Variants in GAB3 observed in about 807,000 individuals in gnomAD.
The protein encoded by GAB3 is GRB2 associated binding protein 3, also known as GRB2-associated-binding protein 3.
Under a neutral mutation model 40.4 loss-of-function variants are expected in GAB3, and 12 were observed. The observed-to-expected ratio is 0.30, with a 90% CI of 0.19 to 0.48. The LOEUF (loss-of-function observed/expected upper bound fraction) is 0.48, where lower values mean the gene tolerates loss of function less well. Ranked by LOEUF, GAB3 falls within the 20% of genes least tolerant of loss-of-function variation. The pLI is 0.99. For synonymous variants in GAB3, 154 were observed against 176.7 expected (o/e 0.87, Z 1.02); for missense variants, 381 against 461.9 (o/e 0.82, Z 1.61).
At chrX:154,725,676 C>T (rs1289719908) in intron 1 of GAB3, among the ~76,000 whole-genome samples, 1 of 110,549 alleles carries the variant, frequency 9.0e-6, no homozygotes, top group African/African-American at 3.3e-5. Context: ...TGGCTGAATA[C>T]TAACATTCAT....
At chrX:154,701,569 TGATAGCTATG>T (rs1170223803) in intron 4 of GAB3, among the ~76,000 whole-genome samples, 1 of 111,854 alleles carries the variant, frequency 8.9e-6, no homozygotes, top group African/African-American at 3.3e-5. Flanking sequence ...CCTGGGGTGG[TGATAGCTATG>T]GAGTGAGGCT....
At chrX:154,688,953 A>C (rs1247594352) in intron 8 of GAB3, among the ~76,000 whole-genome samples, 1 of 111,431 alleles carries the variant, frequency 9.0e-6, no homozygotes, top group Non-Finnish European at 1.9e-5. Flanking sequence ...CCGGGCAGAG[A>C]CACAACAAAA....
intron 4 of GAB3, among the ~76,000 whole-genome samples, chrX:154,709,757 C>T (rs917630274): frequency 9.0e-6 from 1 of 111,373 alleles, no homozygotes; most frequent in Admixed American, 9.5e-5. Flanking sequence ...GAATATTACT[C>T]AGCCTTAAAA....
chrX:154,705,675 A>G (rs782144473), intron 4 of GAB3, among the ~76,000 whole-genome samples: 14 of 112,191 alleles, frequency 1.2e-4, no homozygotes, highest in African/African-American at 4.5e-4. Flanking sequence ...TCCAAGAACT[A>G]GAAGAAGAAA....
intron 4 of GAB3, among the ~76,000 whole-genome samples, chrX:154,711,050 T>A (rs5945233): frequency 0.3 from 33,737 of 111,110 alleles, 3,781 homozygotes; most frequent in South Asian, 0.43. Context: ...GGAAGCAACA[T>A]ACATAATGGT....
At chrX:154,707,887 C>T (rs2070836541) in intron 4 of GAB3, among the ~76,000 whole-genome samples, 1 of 111,958 alleles carries the variant, frequency 8.9e-6, no homozygotes, top group African/African-American at 3.2e-5. Context: ...CAGCAAAAAA[C>T]AGTTGACAAT....
intron 4 of GAB3, among the ~76,000 whole-genome samples, chrX:154,707,660 T>C (rs2070833040): frequency 2.7e-5 from 3 of 111,943 alleles, no homozygotes; most frequent in African/African-American, 9.7e-5. Flanking sequence ...AGGATCCGTA[T>C]TGTCACCAGG....
intron 4 of GAB3, among the ~76,000 whole-genome samples, chrX:154,701,067 G>A (rs2070734022): frequency 9.0e-6 from 1 of 111,364 alleles, no homozygotes; most frequent in Non-Finnish European, 1.9e-5. Context: ...CTACTCTGAA[G>A]TCAGACTGTC....
At chrX:154,730,773 C>T (rs2071280069) in intron 1 of GAB3, among the ~76,000 whole-genome samples, 1 of 112,123 alleles carries the variant, frequency 8.9e-6, no homozygotes, top group Admixed American at 9.4e-5. Context: ...TGGCTCAATG[C>T]CACTAGCCCT....
chrX:154,748,384 T>A (rs1397157350), intron 1 of GAB3, among the ~76,000 whole-genome samples: 2 of 111,504 alleles, frequency 1.8e-5, no homozygotes, highest in Non-Finnish European at 3.8e-5. Flanking sequence ...GGGAGTGGAA[T>A]AAGGAGGAGA....
chrX:154,728,118 C>T (rs782312860), intron 1 of GAB3, among the ~76,000 whole-genome samples: 36 of 111,648 alleles, frequency 3.2e-4, no homozygotes, highest in Admixed American at 3.0e-3. Flanking sequence ...CCTCTGCCCC[C>T]TCTGCGGTGG....
chrX:154,741,521 C>A (rs1468414413), intron 1 of GAB3, among the ~76,000 whole-genome samples: 1 of 109,072 alleles, frequency 9.2e-6, no homozygotes, highest in Non-Finnish European at 1.9e-5. Flanking sequence ...GCTAAAAATA[C>A]AGAAATGAGC....
chrX:154,690,050 T>A, intron 8 of GAB3, among the ~76,000 whole-genome samples: 1 of 110,660 alleles, frequency 9.0e-6, no homozygotes, highest in Admixed American at 9.6e-5. Flanking sequence ...AACAGCATGG[T>A]ACTGGTACCA....
intron 1 of GAB3, among the ~76,000 whole-genome samples, chrX:154,719,545 C>A (rs1557258294): frequency 8.9e-6 from 1 of 111,900 alleles, no homozygotes. Context: ...TTCAGCAGGG[C>A]TGGAAGGCAG....
chrX:154,712,895 C>T (rs1181305685), intron 3 of GAB3, among the ~76,000 whole-genome samples, 194 bp from the exon 4 acceptor site: 1 of 112,159 alleles, frequency 8.9e-6, no homozygotes, highest in Non-Finnish European at 1.9e-5. Context: ...TTTTCATCCT[C>T]TAAGCATCAG....
At chrX:154,740,430 G>C (rs188812991) in intron 1 of GAB3, among the ~76,000 whole-genome samples, 1 of 112,221 alleles carries the variant, frequency 8.9e-6, no homozygotes, top group Non-Finnish European at 1.9e-5. Flanking sequence ...TCTCAGAAAA[G>C]AAATATAAGG....
At chrX:154,741,559 C>T (rs930081276) in intron 1 of GAB3, among the ~76,000 whole-genome samples, 1 of 108,208 alleles carries the variant, frequency 9.2e-6, no homozygotes, top group Non-Finnish European at 1.9e-5. Context: ...GCCTGTAATC[C>T]CAGCTACTCG....
At chrX:154,695,796 G>C (rs1484274838) in intron 8 of GAB3, 121 bp downstream of exon 8, 1 of 397,514 alleles carries the variant, frequency 2.5e-6, no homozygotes, top group Non-Finnish European at 4.4e-6. Context: ...CTGGTTTTAC[G>C]ATCAAGTGGT....
At chrX:154,730,322 C>T (rs1181194245) in intron 1 of GAB3, among the ~76,000 whole-genome samples, 1 of 112,137 alleles carries the variant, frequency 8.9e-6, no homozygotes, top group Non-Finnish European at 1.9e-5. Context: ...TTTCCCCTAC[C>T]GTGTTTTTCT....
Sources: gnomAD v4.1 joint callset for allele counts (sites outside exome capture counted in the v4.1 genomes callset) on GRCh38, gnomAD v4.1.1 for gene constraint, MANE v1.5 for transcripts, NCBI Gene and HGNC (gene_info 2026-07-23, HGNC 2026-07-21) for gene names.